TMPRSS15: variants seen among roughly 807,000 people sequenced by gnomAD.
The protein encoded by TMPRSS15 is transmembrane serine protease 15, also known as enteropeptidase.
Under a neutral mutation model 125.3 loss-of-function variants are expected in TMPRSS15, and 128 were observed. The ratio of observed to expected loss-of-function variants is 1.02; its 90% confidence interval spans 0.89 to 1.18. The LOEUF (loss-of-function observed/expected upper bound fraction) is 1.18. TMPRSS15 is among the 50% of genes most tolerant of loss of function. The pLI is 0.00. For missense variants in TMPRSS15, 1,283 were observed against 1,212.7 expected, an observed-to-expected ratio of 1.06 and a Z score of -0.86; for synonymous variants, 446 against 423.2, an observed-to-expected ratio of 1.05 and a Z score of -0.66.
chr21:18,356,655 A>G lies in TMPRSS15; in HGVS notation c.881-2792T>C, dbSNP rs556736854. On this transcript the variant is annotated intron_variant, in intron 8 of 24. Transcript: ENST00000284885. ...CTTGCTAAAATAAACTTTTCCACAT[A>G]ACATACCCCTATCAACAGAAGTGAA... Among the ~76,000 whole-genome samples, 9 of 151,934 alleles carry G rather than the reference A, an allele frequency of 5.9e-5. No homozygotes were observed. In the South Asian group the frequency reaches 1.2e-3, roughly 21 times the overall value.
chr21:18,397,427 T>G (rs1163853594), intron 3 of TMPRSS15, among the ~76,000 whole-genome samples: 3 of 152,218 alleles, frequency 2.0e-5, no homozygotes, highest in African/African-American at 7.2e-5. Flanking sequence ...ATTACATTAT[T>G]AATCTAAGAT....
chr21:18,392,792 G>A (rs1370950987), intron 3 of TMPRSS15, among the ~76,000 whole-genome samples: 2 of 152,176 alleles, frequency 1.3e-5, no homozygotes, highest in Non-Finnish European at 2.9e-5. Flanking sequence ...ATGGCAGAAG[G>A]TGAAGAAGCA....
chr21:18,335,939 C>CT lies in TMPRSS15; in HGVS notation c.1565-3767dup, dbSNP rs5842685. 1.5e-3 allele frequency among the ~76,000 whole-genome samples: 208 copies of CT among 140,992 alleles called. 1 individual carries two copies. Among genetic ancestry groups the CT allele is most frequent in the Non-Finnish European group, 2.5e-3 (160 of 64,086 alleles). The allele number at this position is 140,992 out of a possible 152,430, so 92.5% of individuals were successfully genotyped here. A position where few individuals can be genotyped will look rare whatever the true frequency, so the allele number is the denominator to read the frequency against. ...TATATTCATTTATAGTGTTAAATTC[C>CT]TTTTTTTTTTTTTTTCTGGGAGCTG... On this transcript the variant is annotated intron_variant, in intron 13 of 24. Coordinates refer to ENST00000284885, the MANE Select transcript of TMPRSS15 (RefSeq NM_002772.3).
At chr21:18,398,458 T>G (rs1299396533) in intron 1 of TMPRSS15, 129 bp from the exon 2 acceptor site, 5 of 920,688 alleles carry the variant, frequency 5.4e-6, no homozygotes, top group Non-Finnish European at 8.4e-6. Context: ...TTGCTTTTTC[T>G]TTGTAGTCTC....
chr21:18,445,022 G>A (rs909672438), intron 1 of TMPRSS15, among the ~76,000 whole-genome samples: 1 of 152,092 alleles, frequency 6.6e-6, no homozygotes, highest in Non-Finnish European at 1.5e-5. Context: ...ATGGTAAATA[G>A]TTTTGCAACA....
chr21:18,458,011 A>C (rs550587426), intron 1 of TMPRSS15, among the ~76,000 whole-genome samples: 1 of 152,288 alleles, frequency 6.6e-6, no homozygotes, highest in Admixed American at 6.5e-5. Context: ...CTGAGCGTAT[A>C]CTGCATTGAG....
chr21:18,452,774 A>ATTTC (rs1978366615), intron 1 of TMPRSS15, among the ~76,000 whole-genome samples: 2 of 135,384 alleles, frequency 1.5e-5, no homozygotes, highest in Admixed American at 7.5e-5. Flanking sequence ...TCATTTATTT[A>ATTTC]ACAGCTTTAT....
At chr21:18,473,173 T>C (rs1182533352) in intron 1 of TMPRSS15, among the ~76,000 whole-genome samples, 2 of 152,132 alleles carry the variant, frequency 1.3e-5, no homozygotes, top group Admixed American at 1.3e-4. Context: ...TATGCTGGGA[T>C]GGATTTTTCA....
intron 1 of TMPRSS15, among the ~76,000 whole-genome samples, chr21:18,435,948 GT>G (rs1328747542): frequency 6.6e-6 from 1 of 150,882 alleles, no homozygotes; most frequent in African/African-American, 2.4e-5. Context: ...TCTGATGGTA[GT>G]TTGTATTTCT....
At chr21:18,437,240 A>G (rs2076229921) in intron 1 of TMPRSS15, among the ~76,000 whole-genome samples, 1 of 151,814 alleles carries the variant, frequency 6.6e-6, no homozygotes, top group South Asian at 2.1e-4. Flanking sequence ...TTCCCTATTT[A>G]ATAAATGGTG....
chr21:18,432,981 C>T (rs752661654), intron 1 of TMPRSS15, among the ~76,000 whole-genome samples: 7 of 152,018 alleles, frequency 4.6e-5, no homozygotes, highest in Admixed American at 2.6e-4. Flanking sequence ...CAAAGATTCC[C>T]GTGTACCTTT....
chr21:18,293,032 A>G (rs1219025718), intron 21 of TMPRSS15, among the ~76,000 whole-genome samples: 1 of 152,116 alleles, frequency 6.6e-6, no homozygotes, highest in Non-Finnish European at 1.5e-5. Flanking sequence ...TCCTTTGGAG[A>G]CCAGCTATTT....
chr21:18,380,027 G>A (rs2075876791), intron 4 of TMPRSS15, among the ~76,000 whole-genome samples: 2 of 152,102 alleles, frequency 1.3e-5, no homozygotes, highest in South Asian at 4.2e-4. Context: ...GAATAGAGTA[G>A]TTAACATAAA....
chr21:18,412,802 C>A (rs1031793849), intron 1 of TMPRSS15, among the ~76,000 whole-genome samples: 3 of 152,088 alleles, frequency 2.0e-5, no homozygotes, highest in Non-Finnish European at 4.4e-5. Flanking sequence ...AGGAAGGCTG[C>A]ATTATTAAGT....
intron 1 of TMPRSS15, among the ~76,000 whole-genome samples, chr21:18,446,651 C>A (rs1374099622): frequency 6.6e-6 from 1 of 152,002 alleles, no homozygotes; most frequent in African/African-American, 2.4e-5. Context: ...ATTTACAGCC[C>A]ACTGATTTTC....
At chr21:18,414,933 C>T (rs1197245094) in intron 1 of TMPRSS15, among the ~76,000 whole-genome samples, 1 of 152,104 alleles carries the variant, frequency 6.6e-6, no homozygotes, top group Non-Finnish European at 1.5e-5. Context: ...TTAAGGACCT[C>T]CGTACTGTTT....
At chr21:18,413,285 T>C (rs2076171057) in intron 1 of TMPRSS15, among the ~76,000 whole-genome samples, 1 of 115,576 alleles carries the variant, frequency 8.7e-6, no homozygotes, top group South Asian at 3.4e-4. Flanking sequence ...TTTCTTTTTC[T>C]TTCTTTCTTT....
chr21:18,275,870 G>T (rs2074613675), intron 23 of TMPRSS15, among the ~76,000 whole-genome samples: 1 of 152,126 alleles, frequency 6.6e-6, no homozygotes, highest in African/African-American at 2.4e-5. Context: ...ATACCCAGGT[G>T]AAGAGAAAGG....
intron 3 of TMPRSS15, among the ~76,000 whole-genome samples, chr21:18,396,618 C>CA (rs1173327135): frequency 6.6e-6 from 1 of 151,666 alleles, no homozygotes; most frequent in African/African-American, 2.4e-5. Flanking sequence ...ACTAAAAATA[C>CA]AAAAAATTAG....
Sources: allele counts gnomAD v4.1 joint callset (sites outside exome capture counted in the v4.1 genomes callset), GRCh38; gene constraint gnomAD v4.1.1; transcripts MANE v1.5; gene names NCBI Gene and HGNC (gene_info 2026-07-23, HGNC 2026-07-21).